TRPM1: variants seen among roughly 807,000 people sequenced by gnomAD.
TRPM1 encodes the protein TRPM1-203 APA Isoform, Intron 10.
Under a neutral mutation model 149.4 loss-of-function variants are expected in TRPM1, and 113 were observed. The observed-to-expected ratio is 0.76, with a 90% CI of 0.65 to 0.88. The LOEUF (loss-of-function observed/expected upper bound fraction) is 0.88, where lower values mean the gene tolerates loss of function less well. Among genes scored for constraint, TRPM1 ranks in the 40% least tolerant of loss-of-function variants. TRPM1 has a pLI of 0.00. For synonymous variants in TRPM1, 741 were observed against 759.5 expected (o/e 0.98, Z 0.40); for missense variants, 1,976 against 2,038.7 (o/e 0.97, Z 0.59).
chr15:31,053,808 T>C (rs1243909494), intron 11 of TRPM1, among the ~76,000 whole-genome samples: 2 of 152,228 alleles, frequency 1.3e-5, no homozygotes, highest in African/African-American at 4.8e-5. Flanking sequence ...CATAGCAGCA[T>C]TATTCTAAAA....
chr15:31,091,068 G>A (rs1372394107), intron 1 of TRPM1, among the ~76,000 whole-genome samples: 1 of 152,236 alleles, frequency 6.6e-6, no homozygotes, highest in Non-Finnish European at 1.5e-5. Context: ...TGCAACGAGG[G>A]TAATAGTTCT....
chr15:31,048,374 C>G (rs947649083), intron 13 of TRPM1, among the ~76,000 whole-genome samples: 2 of 152,156 alleles, frequency 1.3e-5, no homozygotes, highest in Non-Finnish European at 2.9e-5. Context: ...TAACCCACAC[C>G]AGCCTTTTTC....
intron 1 of TRPM1, among the ~76,000 whole-genome samples, chr15:31,093,354 G>C (rs963070228): frequency 6.6e-6 from 1 of 151,222 alleles, no homozygotes; most frequent in African/African-American, 2.4e-5. Flanking sequence ...TAGCAGAAGT[G>C]GAGGGTGAAA....
At chr15:31,043,262 C>T (rs774288172) in intron 16 of TRPM1, among the ~76,000 whole-genome samples, 55 of 152,184 alleles carry the variant, frequency 3.6e-4, no homozygotes, top group South Asian at 6.2e-4. Flanking sequence ...GGCACCATCT[C>T]GGCTCACTGC....
At position 31,067,882 on chromosome 15, in the gene TRPM1, T is replaced by C. The variant is rs376504947; in HGVS notation, c.490A>G (p.Thr164Ala). 4.3e-6 allele frequency: 7 copies of C among 1,612,750 alleles called. No individual in the cohort carries two copies. Among genetic ancestry groups the C allele is most frequent in the Non-Finnish European group, 5.9e-6 (7 of 1,179,906 alleles). ...GAWIFTGGVS[T>A]GVISHVGDAL... ...GAGGGAAAGGGCCTGCTCTTACCTG[T>C]GCTGACACCCCCGGTGAAGATCCAG... Residue 164 changes from threonine (T) to alanine (A), a missense_variant, in exon 5 of 28, where the codon ACA (threonine) becomes GCA (alanine). Thr to Ala is a moderately conservative substitution (Grantham distance 58, BLOSUM62 0). Around this residue, in one of 3 missense-constraint regions of TRPM1, gnomAD observed 1,332 missense variants for 1,347.1 expected, o/e 0.99. Transcript: ENST00000256552.
At chr15:31,064,712 T>G in intron 7 of TRPM1, among the ~76,000 whole-genome samples, 1 of 152,194 alleles carries the variant, frequency 6.6e-6, no homozygotes, top group East Asian at 1.9e-4. Context: ...ATGAGCCATT[T>G]CAGAGTTTCT....
chr15:31,113,602 A>C (rs1596080730), intron 1 of TRPM1, among the ~76,000 whole-genome samples: 2 of 152,270 alleles, frequency 1.3e-5, no homozygotes, highest in South Asian at 4.1e-4. Flanking sequence ...TTTGTTACAC[A>C]AGTAAACTTG....
rs1283615949 is a variant in TRPM1, at chr15:31,001,988, C to T, written c.4712G>A (p.Arg1571Lys). 1 of 1,614,122 alleles carries T rather than the reference C, an allele frequency of 6.2e-7. No homozygotes were observed. Among genetic ancestry groups the T allele is most frequent in the South Asian group, 1.1e-5 (1 of 91,072 alleles). The change falls in exon 28 of 28, where the codon AGG (arginine) becomes AAG (lysine). Residue 1571 changes from arginine (R) to lysine (K), a missense_variant. Physicochemically the swap from Arg to Lys is conservative, Grantham distance 26 (BLOSUM62 2). This residue lies in a region of TRPM1 where 572 missense variants were observed against 578.9 expected (regional missense o/e 0.99). Coordinates refer to ENST00000256552, the MANE Select transcript of TRPM1 (RefSeq NM_001252024.2). ...AGGATGTCCATGTAAACTTTTTGAC[C>T]TGAGAGATGGGAATCCCAAAGTTTG... ...PDQTLGFPSL[R>K]SKSLHGHPRN...
At chr15:31,031,868 A>C (rs901888884) in intron 22 of TRPM1, among the ~76,000 whole-genome samples, 1 of 152,132 alleles carries the variant, frequency 6.6e-6, no homozygotes, top group African/African-American at 2.4e-5. Flanking sequence ...TCATGGTCTA[A>C]TCACATGGAC....
At chr15:31,014,429 G>A (rs985267256) in intron 27 of TRPM1, among the ~76,000 whole-genome samples, 2 of 152,164 alleles carry the variant, frequency 1.3e-5, no homozygotes, top group Admixed American at 1.3e-4. Context: ...ACTGGTACTA[G>A]GAATGCAGGT....
intron 3 of TRPM1, among the ~76,000 whole-genome samples, chr15:31,071,890 G>A (rs551489722): frequency 3.8e-4 from 57 of 149,764 alleles, no homozygotes; most frequent in Admixed American, 7.3e-4. Flanking sequence ...TTTGAACCCC[G>A]GAGGCAGAGG....
At chr15:31,019,656 C>T (rs1293851862) in intron 27 of TRPM1, among the ~76,000 whole-genome samples, 1 of 152,180 alleles carries the variant, frequency 6.6e-6, no homozygotes, top group Admixed American at 6.5e-5. Flanking sequence ...CCCACCTCGG[C>T]CTCCCAAAGT....
chr15:31,067,638 A>G (rs1460781120), intron 5 of TRPM1, among the ~76,000 whole-genome samples: 2 of 152,196 alleles, frequency 1.3e-5, no homozygotes, highest in African/African-American at 2.4e-5. Flanking sequence ...GGAATATTGC[A>G]TGTCATGGGT....
intron 1 of TRPM1, among the ~76,000 whole-genome samples, chr15:31,124,710 A>G (rs8040946): frequency 0.49 from 73,078 of 149,344 alleles, 18,536 homozygotes; most frequent in Middle Eastern, 0.57. Flanking sequence ...TATGATTCCA[A>G]TTCTGGAAAG....
intron 20 of TRPM1, 149 bp downstream of exon 20, chr15:31,037,562 T>C (rs543044940): frequency 9.2e-7 from 1 of 1,090,780 alleles, no homozygotes; most frequent in South Asian, 1.4e-5. Flanking sequence ...TAGCCAGAGA[T>C]CTCAATTAGT....
At chr15:31,050,699 C>T (rs2033924836) in intron 11 of TRPM1, 117 bp from the exon 12 acceptor site, 5 of 1,091,624 alleles carry the variant, frequency 4.6e-6, no homozygotes, top group African/African-American at 1.5e-5. Context: ...CACATGCACA[C>T]AATGTACATG....
intron 17 of TRPM1, 106 bp downstream of exon 17, chr15:31,041,845 C>G (rs926589271): frequency 1.5e-5 from 19 of 1,245,078 alleles, no homozygotes; most frequent in Non-Finnish European, 2.1e-5. Context: ...CAAGCTTTAA[C>G]CACCATTGTC....
rs2031762294 is a variant in TRPM1 at position 31,001,554 on chromosome 15, G to C, written c.*268C>G. 1 of 505,610 alleles carries C rather than the reference G, an allele frequency of 2.0e-6. No individual in the cohort carries two copies. The highest frequency in any genetic ancestry group is 2.3e-5 in the South Asian group (1 of 44,070). 31.3% of individuals were successfully genotyped at this position (505,610 alleles called of 1,614,324 possible). A position where few individuals can be genotyped will look rare whatever the true frequency, so the allele number is the denominator to read the frequency against. ...ATTTGGTGGCCCTCAGTAATAAAGA[G>C]ATTGTATAATCTTGTATACTGATTA... On this transcript the variant is annotated 3_prime_UTR_variant, in exon 28 of 28. Coordinates refer to ENST00000256552, the MANE Select transcript of TRPM1 (RefSeq NM_001252024.2).
chr15:31,108,772 G>A (rs1365272767), intron 1 of TRPM1, among the ~76,000 whole-genome samples: 1 of 152,236 alleles, frequency 6.6e-6, no homozygotes, highest in African/African-American at 2.4e-5. Flanking sequence ...GGGATTATAG[G>A]CATGAGCCAC....
Sources: gnomAD v4.1 joint callset for allele counts (sites outside exome capture counted in the v4.1 genomes callset) on GRCh38, gnomAD v4.1.1 for gene constraint, gnomAD v4.1.1 regional missense constraint, MANE v1.5 for transcripts, NCBI Gene and HGNC (gene_info 2026-07-23, HGNC 2026-07-21) for gene names.